The following RTN4 variants were observed in gnomAD, a reference collection of about 807,000 sequenced individuals.
The protein encoded by RTN4 is reticulon-4.
In RTN4, 32 loss-of-function variants were observed where a neutral mutation model predicts 90.4. The ratio of observed to expected loss-of-function variants is 0.35; its 90% confidence interval spans 0.27 to 0.48. The LOEUF (loss-of-function observed/expected upper bound fraction) is 0.48. RTN4 is among the 20% of genes least tolerant of loss of function. The pLI is 0.99. For missense variants in RTN4, 1,706 were observed against 1,430.2 expected (o/e 1.19, Z -3.11); for synonymous variants, 629 against 552.5 (o/e 1.14, Z -1.94).
chr2:55,001,256 C>T (rs6545466), intron 3 of RTN4, among the ~76,000 whole-genome samples: 100,037 of 151,986 alleles, frequency 0.66, 33,759 homozygotes, highest in African/African-American at 0.82. Flanking sequence ...TGAGAACAAA[C>T]GGCCTTTACA....
chr2:54,989,190 A>C (rs1338284687), intron 3 of RTN4, among the ~76,000 whole-genome samples: 1 of 152,220 alleles, frequency 6.6e-6, no homozygotes, highest in African/African-American at 2.4e-5. Flanking sequence ...CTAGTATATC[A>C]TGAGTACTGT....
At chr2:55,118,499 G>T in the RTN4 span, among the ~76,000 whole-genome samples, 1 of 152,014 alleles carries the variant, frequency 6.6e-6, no homozygotes, top group Non-Finnish European at 1.5e-5. Flanking sequence ...AGTTTCACAT[G>T]ATAAAGGGTA....
At chr2:55,089,652 C>A (rs888955477) in intron 1 of RTN4, among the ~76,000 whole-genome samples, 6 of 152,244 alleles carry the variant, frequency 3.9e-5, no homozygotes, top group African/African-American at 1.2e-4. Flanking sequence ...AGTGCTTTAG[C>A]TATTTCTGTT....
chr2:54,994,394 C>A (rs934114707), intron 3 of RTN4, among the ~76,000 whole-genome samples: 6 of 152,148 alleles, frequency 3.9e-5, no homozygotes, highest in African/African-American at 1.4e-4. Flanking sequence ...GCCAAGTGGC[C>A]TTTATCTCAG....
At chr2:55,027,605 T>A in intron 2 of RTN4, 120 bp from the exon 3 acceptor site, 1 of 925,848 alleles carries the variant, frequency 1.1e-6, no homozygotes, top group Non-Finnish European at 1.6e-6. Context: ...AATGAAATGT[T>A]AATAGCAATT....
intron 3 of RTN4, among the ~76,000 whole-genome samples, chr2:55,000,854 A>G (rs1008385608): frequency 1.3e-5 from 2 of 152,188 alleles, no homozygotes; most frequent in African/African-American, 4.8e-5. Context: ...ATTTACTAAC[A>G]CTACGAGTAG....
chr2:55,026,208 C>T lies in RTN4; in HGVS notation c.1891G>A (p.Val631Met), dbSNP rs545859060. The T allele has an allele frequency of 2.7e-5, 44 of 1,613,674 alleles. 1 individual carries two copies. The highest frequency in any genetic ancestry group is 2.4e-4 in the South Asian group (22 of 91,074). Reference protein sequence around the residue: ...NSAVPSAGASVIQPSSSPLEA... With the variant: ...NSAVPSAGASMIQPSSSPLEA... ...AATGGTGATGAGCTGGGCTGTATCA[C>T]GGAAGCACCAGCACTAGGAACTGCA... The change falls in exon 3 of 9, where the codon GTG becomes ATG. Residue 631 changes from valine (V) to methionine (M), a missense_variant. Transcript: ENST00000337526.
In RTN4 at chr2:55,036,618, A is replaced by ATT. The variant is rs1362940951; in HGVS notation, c.557-8399_557-8398insAA. ...CTGTCTCAAAAAAAAAAAAAAAAAA[A>ATT]AAAAAATTAAAAAAATTTAAAAAGT... On this transcript the variant is annotated intron_variant, in intron 1 of 8. Transcript: ENST00000337526. Among the ~76,000 whole-genome samples, 3 of 129,312 alleles carry ATT rather than the reference A, an allele frequency of 2.3e-5. No individual in the cohort carries two copies. The East Asian group carries it at 9.8e-4, about 42-fold the overall frequency. 84.8% of individuals were successfully genotyped at this position (129,312 alleles called of 152,430 possible).
chr2:55,006,290 G>A (rs771796152), intron 3 of RTN4, among the ~76,000 whole-genome samples: 3 of 151,972 alleles, frequency 2.0e-5, no homozygotes, highest in Admixed American at 6.6e-5. Context: ...CTAAATATTC[G>A]GTTTTAACAA....
Position 55,026,928 on chromosome 2 carries a change from C to G in RTN4, c.1171G>C (p.Glu391Gln). 1 of 1,613,638 alleles carries G rather than the reference C, an allele frequency of 6.2e-7. No individual in the cohort carries two copies. Among genetic ancestry groups the G allele is most frequent in the Non-Finnish European group, 8.5e-7 (1 of 1,179,872 alleles). ...CTATCTTTCACTTCCCATACTCGCTCAAATGGTTTGAAGTCTGCATATTCC... is the reference window on the plus strand; with the variant it reads ...CTATCTTTCACTTCCCATACTCGCTGAAATGGTTTGAAGTCTGCATATTCC... ...REEYADFKPFERVWEVKDSKE... is the reference protein window; with the variant it reads ...REEYADFKPFQRVWEVKDSKE... Residue 391 changes from glutamate (E) to glutamine (Q), a missense_variant, in exon 3 of 9, where the codon GAG (glutamate) becomes CAG (glutamine). Glu to Gln is a conservative substitution (Grantham distance 29). Transcript: ENST00000337526.
At chr2:54,986,661 G>C (rs1007394160) in intron 4 of RTN4, among the ~76,000 whole-genome samples, 4 of 152,200 alleles carry the variant, frequency 2.6e-5, no homozygotes, top group Non-Finnish European at 5.9e-5. Context: ...TGGTGTTATG[G>C]ATAGAAATTA....
chr2:54,999,529 C>G (rs1326816132), intron 3 of RTN4, among the ~76,000 whole-genome samples: 1 of 152,068 alleles, frequency 6.6e-6, no homozygotes, highest in Admixed American at 6.6e-5. Flanking sequence ...GAATGGCTGG[C>G]AGAAAAATAC....
At chr2:55,007,624 T>G (rs959185487) in intron 3 of RTN4, among the ~76,000 whole-genome samples, 1 of 152,128 alleles carries the variant, frequency 6.6e-6, no homozygotes, top group African/African-American at 2.4e-5. Flanking sequence ...TTCCCGAATT[T>G]GCCCAACAAT....
At chr2:55,086,351 C>A (rs1321725134) in intron 1 of RTN4, among the ~76,000 whole-genome samples, 1 of 151,954 alleles carries the variant, frequency 6.6e-6, no homozygotes, top group African/African-American at 2.4e-5. Context: ...GTAACTGTTA[C>A]CAAGATCAAG....
intron 1 of RTN4, among the ~76,000 whole-genome samples, chr2:55,032,415 T>C (rs1292473344): frequency 1.3e-5 from 2 of 151,998 alleles, no homozygotes; most frequent in African/African-American, 4.8e-5. Flanking sequence ...TTAAAATAGC[T>C]ATTAAGATAT....
chr2:54,994,031 TAC>T (rs1285071876), intron 3 of RTN4, among the ~76,000 whole-genome samples: 1 of 152,240 alleles, frequency 6.6e-6, no homozygotes, highest in Admixed American at 6.5e-5. Context: ...TCTAGTCCCT[TAC>T]AGATTCCTCA....
chr2:55,087,288 C>T (rs1331142939), intron 1 of RTN4, among the ~76,000 whole-genome samples: 1 of 152,148 alleles, frequency 6.6e-6, no homozygotes, highest in African/African-American at 2.4e-5. Context: ...CTGGAAACTG[C>T]CAAACAGCTT....
rs182114437 is a variant in RTN4 at position 55,098,719 on chromosome 2, A to G, written c.-214+13801T>C. On this transcript the variant is annotated intron_variant, in intron 1 of 3. Coordinates refer to the RTN4 transcript ENST00000427710. Reference sequence around the variant, plus strand: ...AAGGTCCACATGTTGCAATTCATCAATATGCCTTTTAAATCTCTTTTAATC... The same window carrying G: ...AAGGTCCACATGTTGCAATTCATCAGTATGCCTTTTAAATCTCTTTTAATC... Among the ~76,000 whole-genome samples, 1,142 of 152,234 alleles carry G rather than the reference A, an allele frequency of 7.5e-3. 18 individuals carry two copies. The highest frequency in any genetic ancestry group is 0.026 in the African/African-American group (1,079 of 41,500).
chr2:55,079,621 G>C (rs920744209), intron 2 of RTN4, among the ~76,000 whole-genome samples: 1 of 152,162 alleles, frequency 6.6e-6, no homozygotes. Context: ...AATGTTGTCA[G>C]TTCAGAGTGT....
Sources: allele counts gnomAD v4.1 joint callset (sites outside exome capture counted in the v4.1 genomes callset), GRCh38; gene constraint gnomAD v4.1.1; transcripts MANE v1.5; gene names NCBI Gene and HGNC (gene_info 2026-07-23, HGNC 2026-07-21).